MGLL: variants seen among roughly 807,000 people sequenced by gnomAD.
The protein encoded by MGLL is lysophospholipase homolog.
MGLL carries 7 observed loss-of-function variants against 29.1 expected under a neutral mutation model. The ratio of observed to expected loss-of-function variants is 0.24; its 90% CI spans 0.14 to 0.45. The LOEUF (loss-of-function observed/expected upper bound fraction) is 0.45. Ranked by LOEUF, MGLL falls within the 20% of genes least tolerant of loss-of-function variation. The pLI is 0.99. For missense variants in MGLL, 356 were observed against 413.6 expected, an observed-to-expected ratio of 0.86 and a Z score of 1.21; for synonymous variants, 148 against 168.3, an observed-to-expected ratio of 0.88 and a Z score of 0.93.
intron 5 of MGLL, chr3:127,715,649 C>G (rs2075798319): frequency 2.2e-6 from 1 of 456,210 alleles, no homozygotes. Flanking sequence ...GTTGATTGTG[C>G]ATGAAGGAAA....
chr3:127,747,591 C>A (rs1400348108), intron 3 of MGLL, among the ~76,000 whole-genome samples: 1 of 152,222 alleles, frequency 6.6e-6, no homozygotes, highest in Non-Finnish European at 1.5e-5. Context: ...AAGAGGTTCC[C>A]TCCAGGGCAG....
At chr3:127,748,407 A>AG (rs2076490892) in intron 3 of MGLL, among the ~76,000 whole-genome samples, 3 of 140,468 alleles carry the variant, frequency 2.1e-5, no homozygotes, top group African/African-American at 8.2e-5. Flanking sequence ...AGAGAGAGAG[A>AG]AAGAGAGAGA....
chr3:127,772,690 C>G (rs930623522), intron 3 of MGLL, among the ~76,000 whole-genome samples: 6 of 152,154 alleles, frequency 3.9e-5, no homozygotes, highest in African/African-American at 1.4e-4. Context: ...CTGCTCTCTG[C>G]TGTGGTGGGA....
rs575637562 is a variant in MGLL, at chr3:127,728,006, T to C, written c.263-5440A>G. ...TTAAATTCTTACAAACAGGTTATAA[T>C]TATTTTCTCTGTGTGCTTATGTTAC... On this transcript the variant is annotated intron_variant, in intron 3 of 7. Coordinates refer to ENST00000265052, the MANE Select transcript of MGLL (RefSeq NM_007283.7). 2.0e-5 allele frequency among the ~76,000 whole-genome samples: 3 copies of C among 152,370 alleles called. No homozygotes were observed. The South Asian group carries it at 6.2e-4, about 32-fold the overall frequency.
chr3:127,721,354 T>TC (rs1183991204), intron 4 of MGLL, among the ~76,000 whole-genome samples, 191 bp from the exon 5 acceptor site: 1 of 152,208 alleles, frequency 6.6e-6, no homozygotes, highest in African/African-American at 2.4e-5. Flanking sequence ...CATGTTTTTT[T>TC]CTCTGGGTTT....
intron 3 of MGLL, among the ~76,000 whole-genome samples, chr3:127,744,778 A>T (rs955032884): frequency 6.6e-6 from 1 of 152,220 alleles, no homozygotes; most frequent in East Asian, 1.9e-4. Context: ...TTTAATAGGA[A>T]AAAAATCTCC....
At chr3:127,729,394 ATTTT>A (rs576340542) in intron 3 of MGLL, among the ~76,000 whole-genome samples, 16 of 152,056 alleles carry the variant, frequency 1.1e-4, no homozygotes, top group Non-Finnish European at 4.4e-5. Context: ...AGATAGTTTC[ATTTT>A]TTTACATTCG....
chr3:127,821,163 A>G (rs956883052), intron 2 of MGLL, among the ~76,000 whole-genome samples: 1 of 152,222 alleles, frequency 6.6e-6, no homozygotes, highest in Admixed American at 6.5e-5. Context: ...TTTGCTTCTA[A>G]TAGCAAGACA....
intron 3 of MGLL, among the ~76,000 whole-genome samples, chr3:127,771,317 C>A (rs1242543931): frequency 6.6e-6 from 1 of 152,152 alleles, no homozygotes; most frequent in Admixed American, 6.5e-5. Flanking sequence ...CACAAGGCAA[C>A]CCTTTACTAT....
At chr3:127,795,584 A>T (rs1181021680) in intron 2 of MGLL, among the ~76,000 whole-genome samples, 1 of 152,226 alleles carries the variant, frequency 6.6e-6, no homozygotes, top group East Asian at 1.9e-4. Flanking sequence ...TGAGGAGATG[A>T]TGATGAGGTT....
At chr3:127,783,093 A>G (rs542988207) in intron 2 of MGLL, among the ~76,000 whole-genome samples, 13 of 147,688 alleles carry the variant, frequency 8.8e-5, no homozygotes, top group Non-Finnish European at 1.8e-4. Flanking sequence ...CAGTTGAGCC[A>G]AGATTGTGCC....
chr3:127,696,197 T>G (rs2075358189), intron 6 of MGLL, among the ~76,000 whole-genome samples: 1 of 152,150 alleles, frequency 6.6e-6, no homozygotes. Flanking sequence ...CTGTGGATCT[T>G]GCCTTTCAAG....
chr3:127,822,610 C>T (rs540432635), upstream of MGLL: 11 of 454,250 alleles, frequency 2.4e-5, no homozygotes, highest in East Asian at 4.5e-4. Flanking sequence ...GCTAGAGGGG[C>T]TCGGAGAAGG....
chr3:127,753,115 G>A (rs1456053538), intron 3 of MGLL, among the ~76,000 whole-genome samples: 1 of 152,108 alleles, frequency 6.6e-6, no homozygotes, highest in African/African-American at 2.4e-5. Flanking sequence ...ATAGTCAAAG[G>A]TGTAAATAAA....
At position 127,761,089 on chromosome 3, in the gene MGLL, C is replaced by T. The variant is rs1008607684; in HGVS notation, c.262+20700G>A. Among the ~76,000 whole-genome samples, 1 of 152,222 alleles carries T rather than the reference C, an allele frequency of 6.6e-6. No homozygotes were observed. Among genetic ancestry groups the T allele is most frequent in the African/African-American group, 2.4e-5 (1 of 41,444 alleles). ...AGAAACCATCATTTCTGTGAAATGC[C>T]TTGTAATTCTGCAAGCCTTCACTGA... On this transcript the variant is annotated intron_variant, in intron 3 of 7. Coordinates refer to ENST00000265052, the MANE Select transcript of MGLL (RefSeq NM_007283.7). The surrounding 1 kb of genome is among the most constrained non-coding windows in gnomAD (Gnocchi z 4.6).
intron 5 of MGLL, among the ~76,000 whole-genome samples, chr3:127,717,417 G>A (rs2075836482): frequency 6.6e-6 from 1 of 152,170 alleles, no homozygotes; most frequent in African/African-American, 2.4e-5. Context: ...CAAGACATTT[G>A]GCCTCATTTC....
intron 1 of MGLL, 50 bp downstream of exon 1, chr3:127,822,259 G>A (rs377387284): frequency 1.3e-6 from 2 of 1,576,676 alleles, no homozygotes; most frequent in Admixed American, 1.7e-5. Context: ...TGAGGTGGAT[G>A]ATACTCAGAT....
chr3:127,792,520 G>T (rs1032790190), intron 2 of MGLL, among the ~76,000 whole-genome samples: 28 of 152,190 alleles, frequency 1.8e-4, no homozygotes, highest in African/African-American at 6.8e-4. Flanking sequence ...TGGCTAACAT[G>T]GTGAAACCCC....
At chr3:127,803,506 G>C (rs1245296673) in intron 2 of MGLL, among the ~76,000 whole-genome samples, 1 of 152,184 alleles carries the variant, frequency 6.6e-6, no homozygotes, top group Non-Finnish European at 1.5e-5. Context: ...TACTGTACAG[G>C]CATGTTCCAT....
Sources: allele counts gnomAD v4.1 joint callset (sites outside exome capture counted in the v4.1 genomes callset), GRCh38; gene constraint gnomAD v4.1.1; non-coding constraint Gnocchi (gnomAD v3.1); transcripts MANE v1.5; gene names NCBI Gene and HGNC (gene_info 2026-07-23, HGNC 2026-07-21).